The following C3orf22 variants were observed in gnomAD, a reference collection of about 807,000 sequenced individuals.
C3orf22 encodes the protein chromosome 3 open reading frame 22, also known as uncharacterized protein C3orf22.
C3orf22 carries 7 observed loss-of-function variants against 10.8 expected under a neutral mutation model. The observed-to-expected ratio is 0.65, with a 90% CI of 0.37 to 1.22. The LOEUF is 1.22. Among genes scored for constraint, C3orf22 ranks in the 50% most tolerant of loss-of-function variants. C3orf22 has a pLI of 0.02. For synonymous variants in C3orf22, 79 were observed against 78.9 expected (o/e 1.00, Z 0.00); for missense variants, 173 against 177.0 (o/e 0.98, Z 0.13).
intron 1 of C3orf22, among the ~76,000 whole-genome samples, 176 bp from the exon 2 acceptor site, chr3:126,553,606 G>A (rs189824430): frequency 2.6e-5 from 4 of 152,224 alleles, no homozygotes; most frequent in African/African-American, 9.6e-5. Context: ...TGTGACCACC[G>A]TAATCAAGGT....
At chr3:126,533,726 C>T (rs576116737) in intron 4 of C3orf22, among the ~76,000 whole-genome samples, 1 of 152,208 alleles carries the variant, frequency 6.6e-6, no homozygotes, top group South Asian at 2.1e-4. Flanking sequence ...CTAGATAATA[C>T]TGGCCTTATG....
chr3:126,539,179 C>T (rs1400274084), intron 4 of C3orf22, among the ~76,000 whole-genome samples: 1 of 152,194 alleles, frequency 6.6e-6, no homozygotes, highest in East Asian at 1.9e-4. Context: ...CTTCCCACCA[C>T]CTACTCCCAC....
chr3:126,541,850 C>A, intron 4 of C3orf22: 1 of 1,584,994 alleles, frequency 6.3e-7, no homozygotes, highest in East Asian at 2.3e-5. Flanking sequence ...GCGGCACGTG[C>A]TGGTGGACGA....
At chr3:126,535,905 C>A (rs1936779735) in intron 4 of C3orf22, among the ~76,000 whole-genome samples, 1 of 152,224 alleles carries the variant, frequency 6.6e-6, no homozygotes. Flanking sequence ...TGGTGAACCC[C>A]ACAAGGGTTG....
chr3:126,536,002 C>T (rs1455448593), intron 4 of C3orf22, among the ~76,000 whole-genome samples: 2 of 152,192 alleles, frequency 1.3e-5, no homozygotes, highest in African/African-American at 2.4e-5. Flanking sequence ...ATCACCTTCC[C>T]ACTTGTCCCC....
At chr3:126,553,771 C>A (rs1050441284) in intron 1 of C3orf22, among the ~76,000 whole-genome samples, 2 of 152,170 alleles carry the variant, frequency 1.3e-5, no homozygotes, top group African/African-American at 4.8e-5. Context: ...GAACTGCACA[C>A]GAGGTGTGTT....
intron 2 of C3orf22, among the ~76,000 whole-genome samples, chr3:126,552,818 G>A (rs920971863): frequency 2.0e-5 from 3 of 152,334 alleles, no homozygotes; most frequent in South Asian, 4.1e-4. Context: ...GCTGCCCTGC[G>A]CCCCAGGCAT....
chr3:126,542,282 A>C lies in C3orf22; in HGVS notation c.286+7255T>G, dbSNP rs1437026121. On this transcript the variant is annotated intron_variant and NMD_transcript_variant, in intron 4 of 5. Transcript: ENST00000505070. ...GCGCACGCGGCGTGAGGAGCCCTTCAACGAGCACTGGGAGCGCGCGCACGC... is the reference window on the plus strand; with the variant it reads ...GCGCACGCGGCGTGAGGAGCCCTTCCACGAGCACTGGGAGCGCGCGCACGC... The C allele has an allele frequency of 3.8e-6, 6 of 1,564,878 alleles. No individual in the cohort carries two copies. The African/African-American group carries it at 7.0e-5, about 18-fold the overall frequency.
chr3:126,529,226 C>T (rs1044823324), exon 5 of C3orf22: 9 of 962,178 alleles, frequency 9.4e-6, no homozygotes, highest in Middle Eastern at 2.4e-4. Flanking sequence ...GTGTTTCACC[C>T]GGTATCTTGA....
intron 3 of C3orf22, among the ~76,000 whole-genome samples, chr3:126,550,348 T>C (rs1340070725): frequency 6.6e-6 from 1 of 152,156 alleles, no homozygotes; most frequent in Non-Finnish European, 1.5e-5. Context: ...CAGTGCCTCC[T>C]GAGCCCCAGC....
At chr3:126,546,016 C>G (rs571640181), downstream of C3orf22, among the ~76,000 whole-genome samples, 1 of 152,352 alleles carries the variant, frequency 6.6e-6, no homozygotes, top group African/African-American at 2.4e-5. Context: ...TTTAAAGACA[C>G]AAACTGGACA....
intron 4 of C3orf22, chr3:126,541,693 C>T: frequency 7.1e-7 from 1 of 1,407,818 alleles, no homozygotes; most frequent in South Asian, 1.5e-5. Flanking sequence ...GCCCGCGCTG[C>T]CCTGACGCGT....
intron 4 of C3orf22, among the ~76,000 whole-genome samples, chr3:126,536,520 T>C (rs1409750123): frequency 6.6e-6 from 1 of 152,112 alleles, no homozygotes; most frequent in African/African-American, 2.4e-5. Context: ...GGGCAAATCT[T>C]GGGGGTAAGA....
intron 2 of C3orf22, among the ~76,000 whole-genome samples, 189 bp downstream of exon 2, chr3:126,553,113 C>T (rs956467460): frequency 3.9e-5 from 6 of 152,194 alleles, no homozygotes; most frequent in African/African-American, 1.4e-4. Context: ...AGAGGCCCCT[C>T]GGCTTAGGCT....
At position 126,549,863 on chromosome 3, in the gene C3orf22, A is replaced by C; in HGVS notation, c.*5T>G. 1 of 1,608,066 alleles carries C rather than the reference A, an allele frequency of 6.2e-7. No homozygotes were observed. The highest frequency in any genetic ancestry group is 8.5e-7 in the Non-Finnish European group (1 of 1,176,616). On this transcript the variant is annotated 3_prime_UTR_variant, in exon 4 of 4. Transcript: ENST00000318225. ...AATAAGAAGGCCACACACAGAGCCC[A>C]GTCTCTAGGAGAGGCCCCTGGACAG... is the stretch of plus-strand genomic sequence containing the variant.
chr3:126,551,928 C>CG (rs1937196490), intron 3 of C3orf22, 69 bp downstream of exon 3: 2 of 1,518,106 alleles, frequency 1.3e-6, no homozygotes, highest in East Asian at 4.7e-5. Flanking sequence ...GCATGCAAAA[C>CG]TGGGGGACAG....
downstream of C3orf22, chr3:126,549,607 C>G (rs950243985): frequency 6.5e-6 from 9 of 1,387,758 alleles, no homozygotes; most frequent in South Asian, 6.1e-5. Flanking sequence ...TCACACCAAC[C>G]CTGCAAGATT....
chr3:126,556,833 T>TCACACA (rs140314320), intron 1 of C3orf22, among the ~76,000 whole-genome samples: 5 of 146,530 alleles, frequency 3.4e-5, no homozygotes, highest in South Asian at 2.2e-4. Context: ...ACATACACAC[T>TCACACA]CACACACAGA....
At chr3:126,549,575 A>T, downstream of C3orf22, 1 of 1,133,398 alleles carries the variant, frequency 8.8e-7, no homozygotes, top group Non-Finnish European at 1.2e-6. Context: ...CCTAGAAGTG[A>T]CATTCATGCT....
Sources: gnomAD v4.1 joint callset for allele counts (sites outside exome capture counted in the v4.1 genomes callset) on GRCh38, gnomAD v4.1.1 for gene constraint, MANE v1.5 for transcripts, NCBI Gene and HGNC (gene_info 2026-07-23, HGNC 2026-07-21) for gene names.